Variants in ZNF584 observed in about 807,000 individuals in gnomAD.
ZNF584 encodes zinc finger protein 584.
In ZNF584, 12 loss-of-function variants were observed where a neutral mutation model predicts 14.7. The ratio of observed to expected loss-of-function variants is 0.82; its 90% CI spans 0.52 to 1.32. The LOEUF is 1.32. Ranked by LOEUF, ZNF584 falls within the 40% of genes most tolerant of loss-of-function variation. ZNF584 has a pLI of 0.00. For synonymous variants in ZNF584, 204 were observed against 190.9 expected (o/e 1.07, Z -0.57); for missense variants, 478 against 518.8 (o/e 0.92, Z 0.76).
At position 58,408,804 on chromosome 19, in the gene ZNF584, G is replaced by A. The variant is rs1466836623; in HGVS notation, c.-344G>A. ...TCCTCGGCGGGAAGGCTGTCCCGGC[G>A]CCTCAGGCAGCTCTGCGTGGGCCGG... On this transcript the variant is annotated 5_prime_UTR_variant, in exon 1 of 4. Coordinates refer to ENST00000306910, the MANE Select transcript of ZNF584 (RefSeq NM_173548.3). 15 of 256,596 alleles carry A rather than the reference G, an allele frequency of 5.8e-5. No homozygotes were observed. The East Asian group carries it at 1.0e-3, about 18-fold the overall frequency. The allele number at this position is 256,596 out of a possible 1,614,324, so 15.9% of individuals were successfully genotyped here.
chr19:58,414,883 T>C (rs994965618), intron 2 of ZNF584, among the ~76,000 whole-genome samples: 18 of 151,954 alleles, frequency 1.2e-4, no homozygotes, highest in African/African-American at 3.6e-4. Flanking sequence ...GCTTTTTTTT[T>C]TCTTTTTGTT....
At chr19:58,410,123 G>T in intron 2 of ZNF584, 32 bp downstream of exon 2, 1 of 1,566,932 alleles carries the variant, frequency 6.4e-7, no homozygotes, top group South Asian at 1.2e-5. Context: ...CCAGCACACT[G>T]ACTACCCCCT....
upstream of ZNF584, chr19:58,408,069 A>T (rs1006376616): frequency 6.6e-6 from 1 of 152,334 alleles, no homozygotes; most frequent in Non-Finnish European, 1.5e-5. Context: ...CTTCCCCCTA[A>T]GCCGCCTCTA....
chr19:58,416,999 TG>T lies in ZNF584; in HGVS notation c.482del (p.Cys161SerfsTer9). The part of the protein sequence containing the change: ...EVHVAEKLFK[C>X]SDCGKVFLKA... The stretch of plus-strand genomic sequence containing the variant: ...CCATGTGGCAGAGAAGCTGTTCAAA[TG>T]CAGTGACTGTGGGAAGGTGTTCTTA... On this transcript the variant is annotated frameshift_variant, in exon 4 of 4. Coordinates refer to ENST00000306910, the MANE Select transcript of ZNF584 (RefSeq NM_173548.3). LOFTEE classifies it low-confidence loss of function (END_TRUNC). 1.2e-6 allele frequency: 2 copies of T among 1,611,154 alleles called. No individual in the cohort carries two copies. The highest frequency in any genetic ancestry group is 3.3e-5 in the Admixed American group (2 of 59,776).
chr19:58,405,676 G>C (rs1447063604), upstream of ZNF584: 1 of 157,892 alleles, frequency 6.3e-6, no homozygotes, highest in Non-Finnish European at 1.4e-5. Context: ...AGACGGGGCG[G>C]CCGGGCAGAG....
chr19:58,415,717 C>CT, intron 3 of ZNF584, 71 bp downstream of exon 3: 1 of 1,609,124 alleles, frequency 6.2e-7, no homozygotes, highest in Non-Finnish European at 8.5e-7. Flanking sequence ...CTGCATACAC[C>CT]GATACCTTGG....
At position 58,409,064 on chromosome 19, in the gene ZNF584, C is replaced by G; in HGVS notation, c.-84C>G. 2 of 1,450,508 alleles carry G rather than the reference C, an allele frequency of 1.4e-6. No homozygotes were observed. The highest frequency in any genetic ancestry group is 2.9e-5 in the African/African-American group (2 of 68,286). 89.9% of individuals were successfully genotyped at this position (1,450,508 alleles called of 1,614,324 possible). ...CGGGGAGAGCTTCCCGGGAAGGTTC[C>G]ACGGCGGCCGAGGGTTTCCGCGCCC... On this transcript the variant is annotated 5_prime_UTR_variant, in exon 1 of 4. Transcript: ENST00000306910.
At chr19:58,410,573 GTA>G (rs1207335393) in intron 2 of ZNF584, among the ~76,000 whole-genome samples, 141 of 6,438 alleles carry the variant, frequency 0.022, 32 homozygotes, top group South Asian at 0.04. Context: ...ATATATATAT[GTA>G]TATATATGTA....
chr19:58,409,237 G>A, intron 1 of ZNF584, 72 bp downstream of exon 1: 1 of 1,366,826 alleles, frequency 7.3e-7, no homozygotes, highest in Non-Finnish European at 9.6e-7. Context: ...GGGCAGAGTT[G>A]GAGGAGGGCA....
At chr19:58,403,932 G>A (rs1316658751), upstream of ZNF584, among the ~76,000 whole-genome samples, 1 of 144,228 alleles carries the variant, frequency 6.9e-6, no homozygotes, top group Non-Finnish European at 1.5e-5. Flanking sequence ...CTGCACTCCA[G>A]CCTGGGTGTC....
chr19:58,405,950 C>A (rs1291257615), upstream of ZNF584: 8 of 182,056 alleles, frequency 4.4e-5, no homozygotes, highest in South Asian at 6.8e-4. Context: ...GGGTGGCCGC[C>A]GGGCAGAGGC....
At position 58,403,510 on chromosome 19, in the gene ZNF584, TGGGAGGGA is replaced by T. The variant is rs139851744; in HGVS notation, n.92+1867_92+1874del. ...AAAGCAGTGACTGCCAGGGACTCAG[TGGGAGGGA>T]GGGAGGGAGGGAGGGAGGAATGAAT... On this transcript the variant is annotated intron_variant and non_coding_transcript_variant, in intron 1 of 3. Transcript: ENST00000594993. Among the ~76,000 whole-genome samples the T allele has an allele frequency of 6.3e-5, 6 of 95,908 alleles. No individual in the cohort carries two copies. The East Asian group carries it at 8.3e-4, about 13-fold the overall frequency. The allele number at this position is 95,908 out of a possible 152,430, so 62.9% of individuals were successfully genotyped here.
chr19:58,416,646 C>T, intron 3 of ZNF584, 165 bp from the exon 4 acceptor site: 1 of 750,102 alleles, frequency 1.3e-6, no homozygotes, highest in Non-Finnish European at 1.9e-6. Context: ...ACGTGATCTG[C>T]CCGCCTTGGC....
At chr19:58,410,549 ATATATATATG>A (rs2052539677) in intron 2 of ZNF584, among the ~76,000 whole-genome samples, 7 of 31,574 alleles carry the variant, frequency 2.2e-4, no homozygotes, top group African/African-American at 1.2e-3. Flanking sequence ...ATATATATAT[ATATATATATG>A]TGTATATATA....
intron 1 of ZNF584, among the ~76,000 whole-genome samples, chr19:58,402,631 T>C (rs1050250264): frequency 2.1e-4 from 32 of 152,158 alleles, no homozygotes; most frequent in African/African-American, 7.0e-4. Context: ...GAGACCAGCC[T>C]GACCAACATG....
At chr19:58,416,071 A>G in intron 3 of ZNF584, 1 of 1,125,694 alleles carries the variant, frequency 8.9e-7, no homozygotes, top group East Asian at 2.6e-5. Flanking sequence ...GGCCCTGCTG[A>G]AACCCTTTGC....
Position 58,416,954 on chromosome 19 carries a change from T to C in ZNF584, c.436T>C (p.Cys146Arg). The change falls in exon 4 of 4, where the codon TGT (cysteine) becomes CGT (arginine). Residue 146 changes from cysteine (C) to arginine (R), a missense_variant. Transcript: ENST00000306910. Reference sequence around the variant, plus strand: ...GGCAGCTTTCCCACCTGGTTCCAGTTGTGGGCAACAGCAAGAAGTCCATGT... The same window carrying C: ...GGCAGCTTTCCCACCTGGTTCCAGTCGTGGGCAACAGCAAGAAGTCCATGT... ...HGAAFPPGSS[C>R]GQQQEVHVAE... The C allele has an allele frequency of 6.2e-7, 1 of 1,612,998 alleles. No individual in the cohort carries two copies. The highest frequency in any genetic ancestry group is 8.5e-7 in the Non-Finnish European group (1 of 1,179,382).
At chr19:58,416,001 A>G in intron 3 of ZNF584, 1 of 1,569,254 alleles carries the variant, frequency 6.4e-7, no homozygotes. Flanking sequence ...TTTTGGAATC[A>G]CATTTTGCTG....
At chr19:58,413,668 AT>A (rs67455131) in intron 2 of ZNF584, among the ~76,000 whole-genome samples, 26,714 of 133,854 alleles carry the variant, frequency 0.2, 2,556 homozygotes, top group Non-Finnish European at 0.24. Flanking sequence ...TAATTTTTGT[AT>A]TTTTTTTTTT....
Sources: gnomAD v4.1 joint callset for allele counts (sites outside exome capture counted in the v4.1 genomes callset) on GRCh38, gnomAD v4.1.1 for gene constraint, MANE v1.5 for transcripts, NCBI Gene and HGNC (gene_info 2026-07-23, HGNC 2026-07-21) for gene names.